Variants in KLHL29 observed in about 807,000 individuals in gnomAD.
KLHL29 encodes kelch like family member 29.
Under a neutral mutation model 80.4 loss-of-function variants are expected in KLHL29, and 21 were observed. The ratio of observed to expected loss-of-function variants is 0.26; its 90% CI spans 0.19 to 0.38. KLHL29 has a LOEUF of 0.38. KLHL29 is among the 10% of genes least tolerant of loss of function. The pLI is 1.00. For synonymous variants in KLHL29, 511 were observed against 526.8 expected (o/e 0.97, Z 0.41); for missense variants, 867 against 1,223.9 (o/e 0.71, Z 4.35).
At chr2:23,572,825 T>C (rs564822789) in intron 3 of KLHL29, among the ~76,000 whole-genome samples, 1 of 152,092 alleles carries the variant, frequency 6.6e-6, no homozygotes, top group East Asian at 1.9e-4. Flanking sequence ...CTCAGCCTCC[T>C]GAGTAGCTGG....
At chr2:23,408,796 C>T (rs941439109) in intron 1 of KLHL29, among the ~76,000 whole-genome samples, 4 of 152,186 alleles carry the variant, frequency 2.6e-5, no homozygotes, top group Admixed American at 6.5e-5. Context: ...AAAACGGCCT[C>T]TCGTTGTGTC....
chr2:23,642,573 G>A lies in KLHL29; in HGVS notation c.663G>A (p.Met221Ile), dbSNP rs1669800291. 1 of 1,549,520 alleles carries A rather than the reference G, an allele frequency of 6.5e-7. No individual in the cohort carries two copies. The highest frequency in any genetic ancestry group is 8.7e-7 in the Non-Finnish European group (1 of 1,146,122). Residue 221 changes from methionine (M) to isoleucine (I), a missense_variant, in exon 5 of 14, where the codon ATG (methionine) becomes ATA (isoleucine). This residue lies in a region of KLHL29 where 424 missense variants were observed against 456.9 expected (regional missense o/e 0.93). Transcript: ENST00000486442. ...CACTGAGCAGCGTGGTGGTCAACAT[G>A]CCTGCCCAGGCCCTGTATGCCAGCC... ...SQPLSSVVVN[M>I]PAQALYASPQ...
chr2:23,682,288 T>C lies in KLHL29; in HGVS notation c.941-2111T>C, dbSNP rs139219156. ...CGCTCCCTGTGTGCCCGCCACATGC[T>C]GTCTCATGGAACCTTCAACAAGTGT... On this transcript the variant is annotated intron_variant, in intron 5 of 13. Coordinates refer to ENST00000486442, the MANE Select transcript of KLHL29 (RefSeq NM_052920.2). The surrounding 1 kb of genome is among the most constrained non-coding windows in gnomAD (Gnocchi z 4.1). 3.3e-3 allele frequency among the ~76,000 whole-genome samples: 497 copies of C among 152,300 alleles called. 2 individuals are homozygous for C. The highest frequency in any genetic ancestry group is 0.012 in the African/African-American group (483 of 41,560).
chr2:23,395,572 C>G (rs991056661), intron 1 of KLHL29, among the ~76,000 whole-genome samples: 5 of 152,034 alleles, frequency 3.3e-5, no homozygotes, highest in Admixed American at 1.3e-4. Flanking sequence ...TGGTGAAACC[C>G]GGTCTCTACC....
Position 23,523,594 on chromosome 2 carries a change from G to C in KLHL29, c.-45-38558G>C, listed in dbSNP as rs192131427. 3.5e-4 allele frequency among the ~76,000 whole-genome samples: 54 copies of C among 152,242 alleles called. 1 individual carries two copies. The highest frequency in any genetic ancestry group is 2.9e-3 in the South Asian group (14 of 4,822). On this transcript the variant is annotated intron_variant, in intron 2 of 13. Transcript: ENST00000486442. ...ATTTTTTTCCTCGCCTTGGCTTCAC[G>C]TAGTGAGTCTCCTATTTGGGTGGAC... is the stretch of plus-strand genomic sequence containing the variant.
chr2:23,655,728 T>C (rs1408572776), intron 5 of KLHL29, among the ~76,000 whole-genome samples: 1 of 152,148 alleles, frequency 6.6e-6, no homozygotes, highest in Non-Finnish European at 1.5e-5. Context: ...ACTTCAAAAA[T>C]GGCCACTGCA....
intron 2 of KLHL29, among the ~76,000 whole-genome samples, chr2:23,516,135 A>G (rs1018287314): frequency 1.3e-5 from 2 of 152,122 alleles, no homozygotes; most frequent in Non-Finnish European, 2.9e-5. Flanking sequence ...AGTGAGAACT[A>G]TGGATCCCTT....
At chr2:23,514,325 G>A (rs1411290913) in intron 2 of KLHL29, among the ~76,000 whole-genome samples, 1 of 152,168 alleles carries the variant, frequency 6.6e-6, no homozygotes, top group Non-Finnish European at 1.5e-5. Flanking sequence ...CCTGGGCAGG[G>A]GAGGATAAGG....
chr2:23,482,066 C>T (rs1026776446), intron 2 of KLHL29, among the ~76,000 whole-genome samples: 4 of 151,988 alleles, frequency 2.6e-5, no homozygotes, highest in Non-Finnish European at 5.9e-5. Flanking sequence ...GTCCGCTGCC[C>T]TCAGTCCCAT....
intron 1 of KLHL29, among the ~76,000 whole-genome samples, chr2:23,427,764 C>CA (rs1323985781): frequency 9.9e-5 from 15 of 152,142 alleles, no homozygotes; most frequent in African/African-American, 3.6e-4. Flanking sequence ...AAAATCCTGT[C>CA]AGTGTATGAG....
intron 1 of KLHL29, among the ~76,000 whole-genome samples, chr2:23,464,068 A>T (rs76734268): frequency 0.011 from 1,702 of 152,362 alleles, 39 homozygotes; most frequent in African/African-American, 0.039. Context: ...TGAGAGGTTC[A>T]AAGCCTATGC....
chr2:23,411,240 TTTG>T (rs1666851852), intron 1 of KLHL29, among the ~76,000 whole-genome samples: 1 of 151,964 alleles, frequency 6.6e-6, no homozygotes, highest in African/African-American at 2.4e-5. Context: ...GGCCTAGGGA[TTTG>T]TGACATGTAG....
At chr2:23,501,848 G>A (rs1177167981) in intron 2 of KLHL29, among the ~76,000 whole-genome samples, 1 of 152,168 alleles carries the variant, frequency 6.6e-6, no homozygotes, top group African/African-American at 2.4e-5. Context: ...AAGTAAAAGA[G>A]CATTCCCATC....
At chr2:23,658,188 C>G (rs1670299270) in intron 5 of KLHL29, among the ~76,000 whole-genome samples, 1 of 152,160 alleles carries the variant, frequency 6.6e-6, no homozygotes, top group Non-Finnish European at 1.5e-5. Flanking sequence ...GGGTCCCACC[C>G]TCCTCCACCA....
In KLHL29 at chr2:23,541,893, G is replaced by C. The variant is rs1354411037; in HGVS notation, c.-45-20259G>C. ...CCAGATCCTGGGAAACAGTAGGTGTGTCTTCCATCCAGAAGCTCTTGTTTC... is the reference window on the plus strand; with the variant it reads ...CCAGATCCTGGGAAACAGTAGGTGTCTCTTCCATCCAGAAGCTCTTGTTTC... On this transcript the variant is annotated intron_variant, in intron 2 of 13. Transcript: ENST00000486442. 2.6e-5 allele frequency among the ~76,000 whole-genome samples: 4 copies of C among 152,260 alleles called. 1 individual carries two copies. The highest frequency in any genetic ancestry group is 3.9e-4 in the East Asian group (2 of 5,176).
chr2:23,504,647 A>G (rs1572362353), intron 2 of KLHL29, among the ~76,000 whole-genome samples: 1 of 152,226 alleles, frequency 6.6e-6, no homozygotes, highest in African/African-American at 2.4e-5. Context: ...GGAAGGGGGT[A>G]GGCACTAACT....
intron 11 of KLHL29, chr2:23,697,332 T>C (rs1019466944): frequency 6.6e-6 from 1 of 152,218 alleles, no homozygotes; most frequent in Admixed American, 6.5e-5. Context: ...TCAGGAAGCT[T>C]TGTCAGGCAG....
intron 3 of KLHL29, among the ~76,000 whole-genome samples, chr2:23,576,280 G>C (rs1234632730): frequency 2.1e-5 from 3 of 145,782 alleles, no homozygotes; most frequent in Non-Finnish European, 4.5e-5. Context: ...ACTCCAGCCT[G>C]GGCAACAGAG....
intron 3 of KLHL29, among the ~76,000 whole-genome samples, chr2:23,572,700 C>CTT (rs67663284): frequency 0.015 from 2,001 of 136,850 alleles, 20 homozygotes; most frequent in Non-Finnish European, 0.025. Flanking sequence ...ACAGTGATTT[C>CTT]TTTTTTTTTT....
Sources: allele counts gnomAD v4.1 joint callset (sites outside exome capture counted in the v4.1 genomes callset), GRCh38; gene constraint gnomAD v4.1.1; regional missense constraint gnomAD v4.1.1; non-coding constraint Gnocchi (gnomAD v3.1); transcripts MANE v1.5; gene names NCBI Gene and HGNC (gene_info 2026-07-23, HGNC 2026-07-21).